SLC24A2: variants seen among roughly 807,000 people sequenced by gnomAD.
SLC24A2 encodes the protein sodium/potassium/calcium exchanger 2.
In SLC24A2, 36 loss-of-function variants were observed where a neutral mutation model predicts 62.0. The ratio of observed to expected loss-of-function variants is 0.58; its 90% CI spans 0.44 to 0.77. SLC24A2 has a LOEUF of 0.77. Among genes scored for constraint, SLC24A2 ranks in the 30% least tolerant of loss-of-function variants. The pLI, the probability that SLC24A2 is intolerant of heterozygous loss-of-function variation, is 0.00. For synonymous variants in SLC24A2, 358 were observed against 294.0 expected, an observed-to-expected ratio of 1.22 and a Z score of -2.23; for missense variants, 846 against 817.9, an observed-to-expected ratio of 1.03 and a Z score of -0.42.
intron 8 of SLC24A2, among the ~76,000 whole-genome samples, chr9:19,541,926 C>T (rs1027454415): frequency 4.6e-5 from 7 of 152,194 alleles, no homozygotes; most frequent in African/African-American, 1.7e-4. Flanking sequence ...TTTTTCAAGC[C>T]GGTCTGAAAA....
intron 2 of SLC24A2, among the ~76,000 whole-genome samples, chr9:19,734,280 T>TACCAG (rs1821430672): frequency 6.6e-6 from 1 of 152,176 alleles, no homozygotes; most frequent in Non-Finnish European, 1.5e-5. Context: ...GCTGTTTTGG[T>TACCAG]TACTGTAGCC....
chr9:19,706,759 T>A (rs1379298710), intron 2 of SLC24A2, among the ~76,000 whole-genome samples: 1 of 152,116 alleles, frequency 6.6e-6, no homozygotes, highest in Non-Finnish European at 1.5e-5. Flanking sequence ...CAAAGCAGTG[T>A]GTAGAGGGAA....
the SLC24A2 span, among the ~76,000 whole-genome samples, chr9:19,865,743 T>C: frequency 1.3e-5 from 2 of 152,202 alleles, no homozygotes; most frequent in East Asian, 3.9e-4. Context: ...ACTGTGAAAC[T>C]AGTACAGGGA....
At chr9:19,790,303 A>T (rs137906284), upstream of SLC24A2, among the ~76,000 whole-genome samples, 37 of 152,276 alleles carry the variant, frequency 2.4e-4, 1 homozygote, top group East Asian at 7.0e-3. Flanking sequence ...ATGAATCTCC[A>T]TGGGGCCATA....
At chr9:20,283,742 GA>G in the SLC24A2 span, among the ~76,000 whole-genome samples, 65,630 of 122,628 alleles carry the variant, frequency 0.54, 15,958 homozygotes, top group African/African-American at 0.66. Context: ...GGAGAAAAGA[GA>G]AAAAAAAAGG....
the SLC24A2 span, among the ~76,000 whole-genome samples, chr9:19,951,347 T>C: frequency 6.6e-6 from 1 of 152,220 alleles, no homozygotes; most frequent in African/African-American, 2.4e-5. Flanking sequence ...GGAAAAGTTT[T>C]TTATTTTTAC....
At chr9:20,111,889 G>T in the SLC24A2 span, among the ~76,000 whole-genome samples, 41 of 152,214 alleles carry the variant, frequency 2.7e-4, no homozygotes, top group African/African-American at 9.9e-4. Context: ...GTTTGGAAAA[G>T]TTGAAGAATC....
chr9:19,597,494 A>C (rs1836733167), intron 4 of SLC24A2, among the ~76,000 whole-genome samples: 1 of 152,238 alleles, frequency 6.6e-6, no homozygotes, highest in Non-Finnish European at 1.5e-5. Context: ...CCGGGGGTAG[A>C]GTGTGCCCTG....
At chr9:19,649,824 T>C (rs1681312781) in intron 2 of SLC24A2, among the ~76,000 whole-genome samples, 1 of 152,214 alleles carries the variant, frequency 6.6e-6, no homozygotes, top group African/African-American at 2.4e-5. Flanking sequence ...TGGATCTAAC[T>C]CCAAGAATGA....
intron 2 of SLC24A2, among the ~76,000 whole-genome samples, chr9:19,716,558 T>A (rs1820866115): frequency 6.6e-6 from 1 of 152,252 alleles, no homozygotes; most frequent in Non-Finnish European, 1.5e-5. Context: ...AATATGACTC[T>A]CCTGAACAAC....
intron 2 of SLC24A2, among the ~76,000 whole-genome samples, chr9:19,677,690 A>C (rs1291558934): frequency 1.3e-5 from 2 of 152,042 alleles, no homozygotes; most frequent in African/African-American, 2.4e-5. Context: ...ATATTTTAAA[A>C]ACTATACAAA....
chr9:19,526,075 C>T (rs942971736), intron 9 of SLC24A2, among the ~76,000 whole-genome samples: 2 of 152,142 alleles, frequency 1.3e-5, no homozygotes, highest in African/African-American at 4.8e-5. Flanking sequence ...TTTGCCTGTT[C>T]TGTATACTTC....
the SLC24A2 span, among the ~76,000 whole-genome samples, chr9:20,257,267 T>C: frequency 6.6e-6 from 1 of 152,158 alleles, no homozygotes; most frequent in Non-Finnish European, 1.5e-5. Flanking sequence ...AAAATATTTT[T>C]TAAGGCTTAG....
At chr9:20,158,489 T>TA in the SLC24A2 span, among the ~76,000 whole-genome samples, 10 of 151,756 alleles carry the variant, frequency 6.6e-5, no homozygotes, top group African/African-American at 2.4e-4. Context: ...AGGTGCCATT[T>TA]ATGAAGAACA....
chr9:20,077,089 A>T, the SLC24A2 span, among the ~76,000 whole-genome samples: 115 of 152,044 alleles, frequency 7.6e-4, 2 homozygotes, highest in African/African-American at 2.4e-3. Context: ...AAATCTTTTT[A>T]AAAAAAGGTT....
chr9:19,792,341 A>G (rs1823328123), upstream of SLC24A2, among the ~76,000 whole-genome samples: 3 of 152,170 alleles, frequency 2.0e-5, no homozygotes, highest in South Asian at 2.1e-4. Flanking sequence ...TTGACTTGAC[A>G]TTCAGTCTCA....
the SLC24A2 span, among the ~76,000 whole-genome samples, chr9:20,197,423 C>T: frequency 7.7e-6 from 1 of 130,228 alleles, no homozygotes; most frequent in Non-Finnish European, 1.6e-5. Flanking sequence ...TTTTCTCTCT[C>T]TCTCTTTTTT....
At chr9:19,686,736 T>C (rs1819892749) in intron 2 of SLC24A2, among the ~76,000 whole-genome samples, 3 of 152,176 alleles carry the variant, frequency 2.0e-5, no homozygotes, top group Admixed American at 2.0e-4. Context: ...TCCCCAGCCA[T>C]GCTGAACTGT....
chr9:20,241,366 A>C, the SLC24A2 span, among the ~76,000 whole-genome samples: 2 of 152,218 alleles, frequency 1.3e-5, no homozygotes, highest in Non-Finnish European at 2.9e-5. Context: ...AGGGTCCACT[A>C]GGGAAGCATG....
Sources: allele counts gnomAD v4.1 joint callset (sites outside exome capture counted in the v4.1 genomes callset), GRCh38; gene constraint gnomAD v4.1.1; transcripts MANE v1.5; gene names NCBI Gene and HGNC (gene_info 2026-07-23, HGNC 2026-07-21).